Variants in EME2 observed in about 807,000 individuals in gnomAD.
EME2 encodes the protein essential meiotic structure-specific endonuclease subunit 2.
Under a neutral mutation model 41.9 loss-of-function variants are expected in EME2, and 58 were observed. That is an observed-to-expected ratio of 1.38 (90% confidence interval 1.12 to 1.72). The LOEUF is 1.72. EME2 is among the 40% of genes most tolerant of loss of function. EME2 has a pLI of 0.00. For synonymous variants in EME2, 334 were observed against 239.3 expected, an observed-to-expected ratio of 1.40 and a Z score of -3.65; for missense variants, 695 against 541.9, an observed-to-expected ratio of 1.28 and a Z score of -2.81.
At position 1,777,059 on chromosome 16, in the gene EME2, T is replaced by G; in HGVS notation, c.*821T>G. 6.3e-7 allele frequency: 1 copy of G among 1,592,472 alleles called. No homozygotes were observed. Among genetic ancestry groups the G allele is most frequent in the Non-Finnish European group, 8.6e-7 (1 of 1,167,756 alleles). ...GAAAGAAGGGACAGAGGAAAGGGGCTGTCCCAGCCCAAGAAGGCAGTTCCA... is the reference window on the plus strand; with the variant it reads ...GAAAGAAGGGACAGAGGAAAGGGGCGGTCCCAGCCCAAGAAGGCAGTTCCA... On this transcript the variant is annotated 3_prime_UTR_variant, in exon 8 of 8. Coordinates refer to ENST00000568449, the MANE Select transcript of EME2 (RefSeq NM_001257370.2).
Position 1,773,165 on chromosome 16 carries a change from G to A in EME2, c.-63G>A. On this transcript the variant is annotated 5_prime_UTR_variant, in exon 1 of 8. Transcript: ENST00000568449. ...GGTCCGGCCGGAAGTCACCGGAAGA[G>A]GCCGGTGTCCCAGGCTAAAGTGTTC... is the stretch of plus-strand genomic sequence containing the variant. 1 of 1,410,950 alleles carries A rather than the reference G, an allele frequency of 7.1e-7. No homozygotes were observed. The highest frequency in any genetic ancestry group is 9.2e-7 in the Non-Finnish European group (1 of 1,089,890). 87.4% of individuals were successfully genotyped at this position (1,410,950 alleles called of 1,614,324 possible).
In EME2 at chr16:1,775,270, G is replaced by A. The variant is rs751321262; in HGVS notation, c.570-45G>A. ...TCTGGCAGAGGCCAAGCTCGGGCAG[G>A]GCAGGCCCCATGGGGAGCGGGGAGG... On this transcript the variant is annotated intron_variant, in intron 4 of 7. Transcript: ENST00000568449. The A allele has an allele frequency of 3.7e-6, 6 of 1,602,096 alleles. No homozygotes were observed. The African/African-American group carries it at 6.7e-5, about 18-fold the overall frequency.
intron 2 of EME2, 96 bp from the exon 3 acceptor site, chr16:1,774,164 G>T: frequency 1.8e-6 from 2 of 1,108,818 alleles, no homozygotes; most frequent in East Asian, 2.4e-5. Context: ...GGGCTTGGCT[G>T]GGGCCACGAA....
Position 1,773,475 on chromosome 16 carries a change from G to T in EME2, c.247+1G>T. 8.9e-6 allele frequency: 14 copies of T among 1,579,536 alleles called. No homozygotes were observed. Among genetic ancestry groups the T allele is most frequent in the Non-Finnish European group, 1.2e-5 (14 of 1,172,032 alleles). ...CGCCTCGCGGTGTGCGTGGACACAG[G>T]TGCGGCGGAGGGCACGGGCGATACT... On this transcript the variant is annotated splice_donor_variant, in intron 1 of 7. Transcript: ENST00000568449. LOFTEE classifies it high-confidence loss of function.
In EME2 at chr16:1,773,414, G is replaced by A. The variant is rs2042659036; in HGVS notation, c.187G>A (p.Ala63Thr). The A allele has an allele frequency of 1.3e-6, 2 of 1,567,294 alleles. No individual in the cohort carries two copies. Among genetic ancestry groups the A allele is most frequent in the African/African-American group, 1.4e-5 (1 of 72,574 alleles). The change falls in exon 1 of 8, where the codon GCG (alanine) becomes ACG (threonine). Residue 63 changes from alanine to threonine, a missense_variant. Ala to Thr is a moderately conservative substitution (Grantham distance 58). Transcript: ENST00000568449. ...GGGTGAGCGCAGGGCGGCTGCCGAGGCGTTGCGGCTGCTGCGGCCGGAGCA... is the reference window on the plus strand; with the variant it reads ...GGGTGAGCGCAGGGCGGCTGCCGAGACGTTGCGGCTGCTGCGGCCGGAGCA... ...PAGERRAAAE[A>T]LRLLRPEQVL...
chr16:1,775,970 C>G lies in EME2; in HGVS notation c.953C>G (p.Pro318Arg), dbSNP rs150341255. 15 of 1,609,428 alleles carry G rather than the reference C, an allele frequency of 9.3e-6. No homozygotes were observed. The highest frequency in any genetic ancestry group is 2.2e-5 in the East Asian group (1 of 44,826). ...GCAGTTGTCACAGCCTTCCCCTCCC[C>G]CCGCCTTCTGCAGCAGGTGGGCCCC... ...ADAVVTAFPS[P>R]RLLQQALEAC... Residue 318 changes from proline to arginine, a missense_variant, in exon 7 of 8, where the codon CCC becomes CGC. Pro to Arg is a moderately radical substitution (Grantham distance 103). Transcript: ENST00000568449.
chr16:1,777,319 G>A lies in EME2; in HGVS notation c.*1081G>A, dbSNP rs780793910. 4.3e-6 allele frequency: 7 copies of A among 1,609,598 alleles called. No homozygotes were observed. In the East Asian group the frequency reaches 1.6e-4, roughly 36 times the overall value. On this transcript the variant is annotated 3_prime_UTR_variant, in exon 8 of 8. Coordinates refer to ENST00000568449, the MANE Select transcript of EME2 (RefSeq NM_001257370.2). ...CTGGCCGCAGCTGGCGCAGGCGGTG[G>A]CAGCACAGGTACTGGAGGGAAGTGG...
At position 1,778,348 on chromosome 16, in the gene EME2, G is replaced by T. The variant is rs1423247071; in HGVS notation, c.*2110G>T. Reference sequence around the variant, plus strand: ...TGCAAGAGAGGCCCAGGCTGGGGCAGCCCTGAGAGCTCCATGGGGCTCTGC... The same window carrying T: ...TGCAAGAGAGGCCCAGGCTGGGGCATCCCTGAGAGCTCCATGGGGCTCTGC... On this transcript the variant is annotated 3_prime_UTR_variant, in exon 8 of 8. Coordinates refer to ENST00000568449, the MANE Select transcript of EME2 (RefSeq NM_001257370.2). 1.2e-6 allele frequency: 2 copies of T among 1,611,180 alleles called. No individual in the cohort carries two copies. The highest frequency in any genetic ancestry group is 1.7e-6 in the Non-Finnish European group (2 of 1,179,772).
rs757350362 is a variant in EME2, at chr16:1,778,024, C to T, written c.*1786C>T. ...GTGTGGCGGTATTTGTCCAGGTCCA[C>T]ATCCGACGTCCCGATGCCCACCATC... is the stretch of plus-strand genomic sequence containing the variant. On this transcript the variant is annotated 3_prime_UTR_variant, in exon 8 of 8. Transcript: ENST00000568449. 3 of 1,613,244 alleles carry T rather than the reference C, an allele frequency of 1.9e-6. No homozygotes were observed. Among genetic ancestry groups the T allele is most frequent in the South Asian group, 2.2e-5 (2 of 91,086 alleles).
chr16:1,774,189 G>C (rs907295752), intron 2 of EME2, 71 bp from the exon 3 acceptor site: 5 of 1,355,314 alleles, frequency 3.7e-6, no homozygotes, highest in Non-Finnish European at 5.3e-6. Context: ...TTTGCTGCTG[G>C]ACTGCCCAGG....
rs1219362248 is a variant in EME2, at chr16:1,778,379, C to G, written c.*2141C>G. ...AGAGCTCCATGGGGCTCTGCCCTGC[C>G]CACCCCCAGGCCCGCCCGCAGTGCA... On this transcript the variant is annotated 3_prime_UTR_variant, in exon 8 of 8. Coordinates refer to ENST00000568449, the MANE Select transcript of EME2 (RefSeq NM_001257370.2). 1 of 1,608,022 alleles carries G rather than the reference C, an allele frequency of 6.2e-7. No homozygotes were observed. The highest frequency in any genetic ancestry group is 8.5e-7 in the Non-Finnish European group (1 of 1,178,086).
chr16:1,777,998 C>T lies in EME2; in HGVS notation c.*1760C>T, dbSNP rs375474861. 68 of 1,613,194 alleles carry T rather than the reference C, an allele frequency of 4.2e-5. No homozygotes were observed. Among genetic ancestry groups the T allele is most frequent in the African/African-American group, 1.7e-4 (13 of 75,020 alleles). On this transcript the variant is annotated 3_prime_UTR_variant, in exon 8 of 8. Coordinates refer to ENST00000568449, the MANE Select transcript of EME2 (RefSeq NM_001257370.2). ...CATCCCTGCCCAGCAGGCTGCAGAA[C>T]GTGTGGCGGTATTTGTCCAGGTCCA...
chr16:1,774,415 G>A (rs1315985481), intron 3 of EME2, 63 bp downstream of exon 3: 12 of 1,361,648 alleles, frequency 8.8e-6, no homozygotes, highest in Non-Finnish European at 1.1e-5. Flanking sequence ...GCCGGGAGGC[G>A]CCTGCTCCGC....
rs750492041 is a variant in EME2 at position 1,781,289 on chromosome 16, T to A, written c.*5051T>A. On this transcript the variant is annotated 3_prime_UTR_variant, in exon 8 of 8. Transcript: ENST00000568449. Reference sequence around the variant, plus strand: ...CGACTGATTCCGTGTTCAGGTAATGTCTGCCTGCCTGCCTAGGGCATCTCC... The same window carrying A: ...CGACTGATTCCGTGTTCAGGTAATGACTGCCTGCCTGCCTAGGGCATCTCC... 4 of 1,612,116 alleles carry A rather than the reference T, an allele frequency of 2.5e-6. No homozygotes were observed. In the East Asian group the frequency reaches 8.9e-5, roughly 36 times the overall value.
chr16:1,774,497 G>T lies in EME2; in HGVS notation c.477+145G>T, dbSNP rs533473426. Reference sequence around the variant, plus strand: ...CAGGACTCCTCTCTGATCCAAAGCCGTAGAGGTTTCTAGGGTGAGATGGAG... The same window carrying T: ...CAGGACTCCTCTCTGATCCAAAGCCTTAGAGGTTTCTAGGGTGAGATGGAG... On this transcript the variant is annotated intron_variant, in intron 3 of 7. Coordinates refer to ENST00000568449, the MANE Select transcript of EME2 (RefSeq NM_001257370.2). 1,364 of 662,810 alleles carry T rather than the reference G, an allele frequency of 2.1e-3. 2 individuals are homozygous for T. Among genetic ancestry groups the T allele is most frequent in the Non-Finnish European group, 3.0e-3 (1,157 of 384,716 alleles). 41.1% of individuals were successfully genotyped at this position (662,810 alleles called of 1,614,324 possible). A position where few individuals can be genotyped will look rare whatever the true frequency, so the allele number is the denominator to read the frequency against.
Position 1,781,684 on chromosome 16 carries a change from T to C in EME2, c.*5446T>C, listed in dbSNP as rs1422250694. On this transcript the variant is annotated 3_prime_UTR_variant, in exon 8 of 8. Coordinates refer to ENST00000568449, the MANE Select transcript of EME2 (RefSeq NM_001257370.2). ...TCTGAGCAGCTCAATAAAACCCAGG[T>C]AGATCCTGTGAAACGCCACCCAGAC... 4 of 606,462 alleles carry C rather than the reference T, an allele frequency of 6.6e-6. No individual in the cohort carries two copies. The highest frequency in any genetic ancestry group is 1.9e-5 in the African/African-American group (1 of 53,550). The allele number at this position is 606,462 out of a possible 1,614,324, so 37.6% of individuals were successfully genotyped here.
In EME2 at chr16:1,773,692, C is replaced by T. The variant is rs76650990; in HGVS notation, c.248-13C>T. ...AAGGAAGCAGTGACCGCGCTCCTCT[C>T]CCCCGGTCCCAGCCATCCTGGAAGA... is the stretch of plus-strand genomic sequence containing the variant. On this transcript the variant is annotated splice_polypyrimidine_tract_variant and intron_variant, in intron 1 of 7. Transcript: ENST00000568449. 2.6e-6 allele frequency: 4 copies of T among 1,548,266 alleles called. No individual in the cohort carries two copies. The South Asian group carries it at 3.6e-5, about 14-fold the overall frequency.
chr16:1,776,838 C>T lies in EME2; in HGVS notation c.*600C>T. The T allele has an allele frequency of 1.9e-6, 1 of 535,280 alleles. No homozygotes were observed. Among genetic ancestry groups the T allele is most frequent in the Non-Finnish European group, 3.3e-6 (1 of 303,666 alleles). The allele number at this position is 535,280 out of a possible 1,614,324, so 33.2% of individuals were successfully genotyped here. The stretch of plus-strand genomic sequence containing the variant: ...CCTGTGGGAACAGCAACGCGGGCTC[C>T]AGCCAGGCTCTCGTCCTCGCAGCCT... On this transcript the variant is annotated 3_prime_UTR_variant, in exon 8 of 8. Transcript: ENST00000568449.
In EME2 at chr16:1,773,459, G is replaced by A; in HGVS notation, c.232G>A (p.Val78Met). 6.3e-7 allele frequency: 1 copy of A among 1,578,104 alleles called. No individual in the cohort carries two copies. ...GGAGCAGGTCCTGAAGCGCCTCGCGGTGTGCGTGGACACAGGTGCGGCGGA... is the reference window on the plus strand; with the variant it reads ...GGAGCAGGTCCTGAAGCGCCTCGCGATGTGCGTGGACACAGGTGCGGCGGA... ...RPEQVLKRLA[V>M]CVDTAILEDA... The change falls in exon 1 of 8, where the codon GTG becomes ATG. Residue 78 changes from valine (V) to methionine (M), a missense_variant. Physicochemically the swap from Val to Met is conservative, Grantham distance 21. Coordinates refer to ENST00000568449, the MANE Select transcript of EME2 (RefSeq NM_001257370.2).
Sources: gnomAD v4.1 joint callset for allele counts on GRCh38, gnomAD v4.1.1 for gene constraint, MANE v1.5 for transcripts, NCBI Gene and HGNC (gene_info 2026-07-23, HGNC 2026-07-21) for gene names.